Variants in GRIK4 observed in about 807,000 individuals in gnomAD.
GRIK4 encodes the protein glutamate ionotropic receptor kainate type subunit 4.
GRIK4 carries 40 observed loss-of-function variants against 104.9 expected under a neutral mutation model. That is an observed-to-expected ratio of 0.38 (90% CI 0.30 to 0.50). The LOEUF (loss-of-function observed/expected upper bound fraction) is 0.50. GRIK4 is among the 20% of genes least tolerant of loss of function. GRIK4 has a pLI of 0.93. For synonymous variants in GRIK4, 485 were observed against 524.9 expected, an observed-to-expected ratio of 0.92 and a Z score of 1.04; for missense variants, 1,047 against 1,308.1, an observed-to-expected ratio of 0.80 and a Z score of 3.08.
intron 3 of GRIK4, among the ~76,000 whole-genome samples, chr11:120,762,711 A>T (rs779118566): frequency 1.8e-4 from 27 of 152,164 alleles, no homozygotes; most frequent in Middle Eastern, 3.4e-3. Flanking sequence ...GGTTTTTGTC[A>T]TTGGTTCTGT....
chr11:120,900,965 C>CGCT (rs766119194), intron 12 of GRIK4, among the ~76,000 whole-genome samples: 17 of 152,126 alleles, frequency 1.1e-4, no homozygotes, highest in Non-Finnish European at 2.5e-4. Flanking sequence ...ACCTCCTTCC[C>CGCT]GCTGTCTTCT....
At chr11:120,690,620 C>G (rs1950343299) in intron 3 of GRIK4, among the ~76,000 whole-genome samples, 1 of 152,210 alleles carries the variant, frequency 6.6e-6, no homozygotes, top group African/African-American at 2.4e-5. Context: ...GTGAGAATAC[C>G]ACCTGAGCAA....
In GRIK4 at chr11:120,932,157, A is replaced by ATT. The variant is rs56886847; in HGVS notation, c.1477-8173_1477-8172dup. Among the ~76,000 whole-genome samples, 46 of 138,002 alleles carry ATT rather than the reference A, an allele frequency of 3.3e-4. No individual in the cohort carries two copies. The South Asian group carries it at 5.4e-3, about 16-fold the overall frequency. The allele number at this position is 138,002 out of a possible 152,430, so 90.5% of individuals were successfully genotyped here. ...AACACAGCACACGTGCAATTTTACA[A>ATT]TTTTTTTTTTTTTTTTTTGGCAATC... On this transcript the variant is annotated intron_variant, in intron 13 of 20. Transcript: ENST00000527524.
intron 1 of GRIK4, among the ~76,000 whole-genome samples, chr11:120,596,799 A>T (rs1948807265): frequency 6.6e-6 from 1 of 151,790 alleles, no homozygotes; most frequent in South Asian, 2.1e-4. Flanking sequence ...ATATTGGCTC[A>T]CTGCAACCTC....
At chr11:120,781,659 T>G (rs1952160426) in intron 3 of GRIK4, among the ~76,000 whole-genome samples, 1 of 152,214 alleles carries the variant, frequency 6.6e-6, no homozygotes, top group Non-Finnish European at 1.5e-5. Context: ...GCCCTGTCTG[T>G]GTCTTCACAA....
chr11:120,698,939 C>T (rs1950504295), intron 3 of GRIK4, among the ~76,000 whole-genome samples: 1 of 152,202 alleles, frequency 6.6e-6, no homozygotes, highest in African/African-American at 2.4e-5. Context: ...AGGCCTAGCT[C>T]CAGGTAAGTG....
chr11:120,777,864 G>C (rs1198073520), intron 3 of GRIK4, among the ~76,000 whole-genome samples: 1 of 151,464 alleles, frequency 6.6e-6, no homozygotes, highest in East Asian at 1.9e-4. Context: ...TTGAACTTGG[G>C]AGGTTAAGGT....
chr11:120,596,941 T>C (rs1948809554), intron 1 of GRIK4, among the ~76,000 whole-genome samples: 1 of 152,178 alleles, frequency 6.6e-6, no homozygotes, highest in Non-Finnish European at 1.5e-5. Flanking sequence ...GCCAGGCTAG[T>C]CTTGAACTCC....
chr11:120,698,539 CTT>C (rs1369333348), intron 3 of GRIK4, among the ~76,000 whole-genome samples: 2 of 152,374 alleles, frequency 1.3e-5, no homozygotes, highest in South Asian at 2.1e-4. Context: ...ACAGGGCACA[CTT>C]TTCCCCTCCC....
chr11:120,818,214 T>A (rs1306109029), intron 5 of GRIK4, among the ~76,000 whole-genome samples: 1 of 152,208 alleles, frequency 6.6e-6, no homozygotes, highest in East Asian at 1.9e-4. Context: ...GCTAATGGAA[T>A]GTGGTAGGCT....
At chr11:120,810,593 T>C in intron 4 of GRIK4, among the ~76,000 whole-genome samples, 1 of 152,122 alleles carries the variant, frequency 6.6e-6, no homozygotes, top group East Asian at 1.9e-4. Context: ...CCTTCTCAGA[T>C]AAATGTTTTT....
intron 13 of GRIK4, among the ~76,000 whole-genome samples, chr11:120,921,757 C>T (rs541593981): frequency 1.1e-4 from 16 of 152,198 alleles, no homozygotes; most frequent in South Asian, 6.2e-4. Context: ...GTGGGGAGGT[C>T]CAGGGGGAGT....
chr11:120,955,409 G>A (rs1944119479), intron 15 of GRIK4, among the ~76,000 whole-genome samples: 1 of 152,236 alleles, frequency 6.6e-6, no homozygotes, highest in African/African-American at 2.4e-5. Flanking sequence ...TGCACATCAG[G>A]CCGAGTGCAG....
intron 7 of GRIK4, among the ~76,000 whole-genome samples, chr11:120,834,838 A>T (rs1252086948): frequency 1.3e-5 from 2 of 152,214 alleles, no homozygotes; most frequent in East Asian, 3.8e-4. Context: ...AGGACAGCAG[A>T]TTTCACAAAG....
In GRIK4 at chr11:120,939,633, C is replaced by T. The variant is rs1007212537; in HGVS notation, c.1477-714C>T. On this transcript the variant is annotated intron_variant, in intron 13 of 20. Transcript: ENST00000527524. The surrounding 1 kb of genome is among the most constrained non-coding windows in gnomAD (Gnocchi z 5.6). Reference sequence around the variant, plus strand: ...GTAGCCCCTTCAGCAAAGTTTCTTACACACCATAAGCAGTCAGTGGAGTTT... The same window carrying T: ...GTAGCCCCTTCAGCAAAGTTTCTTATACACCATAAGCAGTCAGTGGAGTTT... Among the ~76,000 whole-genome samples, 4 of 152,220 alleles carry T rather than the reference C, an allele frequency of 2.6e-5. No individual in the cohort carries two copies. Among genetic ancestry groups the T allele is most frequent in the African/African-American group, 9.6e-5 (4 of 41,460 alleles).
At chr11:120,834,032 G>A (rs1953506343) in intron 7 of GRIK4, among the ~76,000 whole-genome samples, 1 of 152,116 alleles carries the variant, frequency 6.6e-6, no homozygotes, top group Admixed American at 6.5e-5. Context: ...TAATGCTGAG[G>A]TGCACATCTT....
rs1591307779 is a variant in GRIK4 at position 120,939,095 on chromosome 11, A to G, written c.1477-1252A>G. Among the ~76,000 whole-genome samples, 1 of 152,162 alleles carries G rather than the reference A, an allele frequency of 6.6e-6. No homozygotes were observed. The highest frequency in any genetic ancestry group is 2.4e-5 in the African/African-American group (1 of 41,444). ...AGGTTGGTTAGTTGGTTGTTAGAGT[A>G]GAGGATGCATTAGAACTGAGCACCA... On this transcript the variant is annotated intron_variant, in intron 13 of 20. Transcript: ENST00000527524. This position sits in a 1 kb window ranked among gnomAD's most constrained non-coding sequence, Gnocchi z 5.6.
Position 120,899,855 on chromosome 11 carries a change from C to T in GRIK4, c.1272+1216C>T, listed in dbSNP as rs77660544. The stretch of plus-strand genomic sequence containing the variant: ...ATCATTGCAGCCCAGAGCAAAGAGG[C>T]GATGCATGAGTTCGCCTCCTCAGCC... On this transcript the variant is annotated intron_variant, in intron 12 of 20. Transcript: ENST00000527524. Among the ~76,000 whole-genome samples, 173 of 152,240 alleles carry T rather than the reference C, an allele frequency of 1.1e-3. 2 individuals carry two copies. In the East Asian group the frequency reaches 0.022, roughly 19 times the overall value.
intron 3 of GRIK4, among the ~76,000 whole-genome samples, chr11:120,721,999 G>A (rs1186315937): frequency 6.6e-6 from 1 of 152,154 alleles, no homozygotes; most frequent in East Asian, 1.9e-4. Flanking sequence ...CTACTTTACT[G>A]AGGAGGAATC....
Sources: allele counts gnomAD v4.1 joint callset (sites outside exome capture counted in the v4.1 genomes callset), GRCh38; gene constraint gnomAD v4.1.1; non-coding constraint Gnocchi (gnomAD v3.1); transcripts MANE v1.5; gene names NCBI Gene and HGNC (gene_info 2026-07-23, HGNC 2026-07-21).